The following CSNK1E variants were observed in gnomAD, a reference collection of about 807,000 sequenced individuals.
CSNK1E encodes the protein casein kinase I isoform epsilon.
In CSNK1E, 17 loss-of-function variants were observed where a neutral mutation model predicts 46.1. The observed-to-expected ratio is 0.37, with a 90% CI of 0.25 to 0.55. The LOEUF is 0.55. CSNK1E is among the 20% of genes least tolerant of loss of function. The pLI, the probability that CSNK1E is intolerant of heterozygous loss-of-function variation, is 0.82. For missense variants in CSNK1E, 386 were observed against 595.4 expected (o/e 0.65, Z 3.66); for synonymous variants, 241 against 242.6 (o/e 0.99, Z 0.06).
intron 4 of CSNK1E, 55 bp downstream of exon 4, chr22:38,302,806 C>T: frequency 6.2e-7 from 1 of 1,603,204 alleles, no homozygotes; most frequent in Non-Finnish European, 8.5e-7. Flanking sequence ...GGAGGCAGGG[C>T]TGGTATCCTG....
At position 38,303,871 on chromosome 22, in the gene CSNK1E, A is replaced by G. The variant is rs2092686551; in HGVS notation, c.77-623T>C. On this transcript the variant is annotated intron_variant, in intron 2 of 10. Transcript: ENST00000396832. This position sits in a 1 kb window ranked among gnomAD's most constrained non-coding sequence, Gnocchi z 4.7. ...ACCTGACCTGTAAATGGCGGCCTTG[A>G]GATCAACCCCGGCTCTGCTGGCCTC... Among the ~76,000 whole-genome samples, 2 of 152,164 alleles carry G rather than the reference A, an allele frequency of 1.3e-5. No homozygotes were observed. Among genetic ancestry groups the G allele is most frequent in the African/African-American group, 4.8e-5 (2 of 41,438 alleles).
At chr22:38,292,018 G>C (rs534405154) in intron 10 of CSNK1E, 80 bp from the exon 11 acceptor site, 1 of 145,142 alleles carries the variant, frequency 6.9e-6, no homozygotes, top group Non-Finnish European at 1.5e-5. Flanking sequence ...ATGGAGTCTC[G>C]CTCTGTCCCC....
intron 7 of CSNK1E, chr22:38,296,806 CG>C: frequency 7.6e-7 from 1 of 1,312,244 alleles, no homozygotes; most frequent in Non-Finnish European, 1.0e-6. Context: ...TCTGCCTTGC[CG>C]GATGTGGTGG....
chr22:38,300,659 C>A lies in CSNK1E; in HGVS notation c.565+65G>T. On this transcript the variant is annotated intron_variant, in intron 5 of 10. Transcript: ENST00000396832. This position sits in a 1 kb window ranked among gnomAD's most constrained non-coding sequence, Gnocchi z 4.4. ...TCCATCAGGGTAGGGGGTGAGAGGG[C>A]TCCAGAGAGCTGGGCCCCAGCCAGT... 2.7e-6 allele frequency: 4 copies of A among 1,501,454 alleles called. No homozygotes were observed. In the South Asian group the frequency reaches 4.7e-5, roughly 18 times the overall value. 93.0% of individuals were successfully genotyped at this position (1,501,454 alleles called of 1,614,324 possible).
rs999872852 is a variant in CSNK1E, at chr22:38,298,445, A to G, written c.885+341T>C. On this transcript the variant is annotated intron_variant, in intron 7 of 10. Transcript: ENST00000396832. This position sits in a 1 kb window ranked among gnomAD's most constrained non-coding sequence, Gnocchi z 4.2. The stretch of plus-strand genomic sequence containing the variant: ...AGCCACCTGGGATGTGCAGAACAGG[A>G]GCAGCAGGACGGTGTAGGCAGCAAT... The G allele has an allele frequency of 2.7e-6, 1 of 375,068 alleles. No individual in the cohort carries two copies. Among genetic ancestry groups the G allele is most frequent in the Non-Finnish European group, 5.1e-6 (1 of 194,392 alleles). The allele number at this position is 375,068 out of a possible 1,614,324, so 23.2% of individuals were successfully genotyped here. A position where few individuals can be genotyped will look rare whatever the true frequency, so the allele number is the denominator to read the frequency against.
At chr22:38,311,061 G>A (rs1006047341) in intron 2 of CSNK1E, among the ~76,000 whole-genome samples, 1 of 152,098 alleles carries the variant, frequency 6.6e-6, no homozygotes, top group Non-Finnish European at 1.5e-5. Context: ...AGTCTGACTC[G>A]CCTCCCCAGA....
Position 38,298,533 on chromosome 22 carries a change from C to A in CSNK1E, c.885+253G>T, listed in dbSNP as rs984183385. On this transcript the variant is annotated intron_variant, in intron 7 of 10. Transcript: ENST00000396832. This position sits in a 1 kb window ranked among gnomAD's most constrained non-coding sequence, Gnocchi z 4.2. ...CTGCTGCGGGCACCCAGGAGGGACC[C>A]CAGGTGAAGCCAGATCCTCCTTGTT... The A allele has an allele frequency of 2.0e-6, 1 of 494,008 alleles. No individual in the cohort carries two copies. The highest frequency in any genetic ancestry group is 3.3e-5 in the Admixed American group (1 of 30,190). The allele number at this position is 494,008 out of a possible 1,614,324, so 30.6% of individuals were successfully genotyped here.
At chr22:38,297,317 T>G (rs2092646228) in intron 7 of CSNK1E, among the ~76,000 whole-genome samples, 2 of 152,144 alleles carry the variant, frequency 1.3e-5, no homozygotes, top group African/African-American at 4.8e-5. Flanking sequence ...TGGGCCCCAT[T>G]TGGAGCCAGA....
Position 38,301,732 on chromosome 22 carries a change from CGA to C in CSNK1E, c.337-782_337-781del, listed in dbSNP as rs571264386. 1.2e-4 allele frequency among the ~76,000 whole-genome samples: 19 copies of C among 152,232 alleles called. No homozygotes were observed. In the South Asian group the frequency reaches 3.9e-3, roughly 32 times the overall value. ...TACAGACTTGAGCCACCTTTTCAGT[CGA>C]GTTTTTAAAACTCAAACTAATATCC... On this transcript the variant is annotated intron_variant, in intron 4 of 10. Coordinates refer to ENST00000396832, the MANE Select transcript of CSNK1E (RefSeq NM_152221.3).
chr22:38,312,636 T>G (rs1602563253), intron 2 of CSNK1E, among the ~76,000 whole-genome samples: 1 of 152,188 alleles, frequency 6.6e-6, no homozygotes, highest in South Asian at 2.1e-4. Flanking sequence ...GGGAGGCTCA[T>G]CTACTAAGCA....
intron 2 of CSNK1E, among the ~76,000 whole-genome samples, chr22:38,311,565 C>G (rs2092721135): frequency 6.6e-6 from 1 of 152,200 alleles, no homozygotes; most frequent in Non-Finnish European, 1.5e-5. Flanking sequence ...TGTCTCCATG[C>G]CCTTTGACCT....
intron 7 of CSNK1E, chr22:38,296,562 CAG>C (rs761077741): frequency 6.2e-7 from 1 of 1,612,332 alleles, no homozygotes; most frequent in Non-Finnish European, 8.5e-7. Flanking sequence ...GGCATTGAGT[CAG>C]AGATTGGCAA....
intron 4 of CSNK1E, among the ~76,000 whole-genome samples, chr22:38,301,617 A>G (rs936071118): frequency 5.9e-5 from 9 of 152,140 alleles, no homozygotes; most frequent in African/African-American, 2.2e-4. Context: ...TATTTTTAGC[A>G]GAGATGGCGT....
chr22:38,300,011 T>C lies in CSNK1E; in HGVS notation c.620A>G (p.Asn207Ser), dbSNP rs1191826711. The change falls in exon 6 of 11, where the codon AAC (asparagine) becomes AGC (serine). Residue 207 changes from asparagine to serine, a missense_variant. Physicochemically the swap from Asn to Ser is conservative, Grantham distance 46. Coordinates refer to ENST00000396832, the MANE Select transcript of CSNK1E (RefSeq NM_152221.3). The surrounding 1 kb of genome is among the most constrained non-coding windows in gnomAD (Gnocchi z 4.4). The part of the protein sequence containing the change: ...ESLGYVLMYF[N>S]LGSLPWQGLK... ...CCCCTGCCAGGGCAGGGAGCCCAGG[T>C]TGAAGTACATGAGCACGTAGCCCAG... 8 of 1,614,030 alleles carry C rather than the reference T, an allele frequency of 5.0e-6. No homozygotes were observed. Among genetic ancestry groups the C allele is most frequent in the East Asian group, 2.2e-5 (1 of 44,900 alleles).
At position 38,308,765 on chromosome 22, in the gene CSNK1E, C is replaced by T. The variant is rs1317897130; in HGVS notation, c.76+5317G>A. Reference sequence around the variant, plus strand: ...GGAGAGCCTCCGGGAGGGCAGGCTGCAAGGGCTCCTGGCTCCCAAACAGGA... The same window carrying T: ...GGAGAGCCTCCGGGAGGGCAGGCTGTAAGGGCTCCTGGCTCCCAAACAGGA... On this transcript the variant is annotated intron_variant, in intron 2 of 10. Transcript: ENST00000396832. Among the ~76,000 whole-genome samples, 5 of 152,050 alleles carry T rather than the reference C, an allele frequency of 3.3e-5. No homozygotes were observed. In the East Asian group the frequency reaches 9.7e-4, roughly 29 times the overall value.
At position 38,305,073 on chromosome 22, in the gene CSNK1E, G is replaced by A. The variant is rs183275547; in HGVS notation, c.77-1825C>T. Among the ~76,000 whole-genome samples the A allele has an allele frequency of 4.1e-3, 523 of 126,110 alleles. 3 individuals carry two copies. The highest frequency in any genetic ancestry group is 0.015 in the African/African-American group (489 of 33,490). The allele number at this position is 126,110 out of a possible 152,430, so 82.7% of individuals were successfully genotyped here. Reference sequence around the variant, plus strand: ...GGAGGCGGAGGTTGCAGTGAGCCGAGATTGTGCCATTGCACGCTAGCCTGG... The same window carrying A: ...GGAGGCGGAGGTTGCAGTGAGCCGAAATTGTGCCATTGCACGCTAGCCTGG... On this transcript the variant is annotated intron_variant, in intron 2 of 10. Coordinates refer to ENST00000396832, the MANE Select transcript of CSNK1E (RefSeq NM_152221.3).
At chr22:38,292,976 A>C in intron 10 of CSNK1E, 1 of 468,790 alleles carries the variant, frequency 2.1e-6, no homozygotes, top group East Asian at 4.4e-5. Flanking sequence ...AAATATGTTA[A>C]GGCAGAAGGA....
chr22:38,303,564 G>A lies in CSNK1E; in HGVS notation c.77-316C>T, dbSNP rs1569079492. 6.6e-6 allele frequency among the ~76,000 whole-genome samples: 1 copy of A among 152,220 alleles called. No homozygotes were observed. The highest frequency in any genetic ancestry group is 1.5e-5 in the Non-Finnish European group (1 of 68,044). Reference sequence around the variant, plus strand: ...AAAGGCTCACAGACCACCTAAGGGAGGGGGCTGAGTCCTAGAGCAAATTCA... The same window carrying A: ...AAAGGCTCACAGACCACCTAAGGGAAGGGGCTGAGTCCTAGAGCAAATTCA... On this transcript the variant is annotated intron_variant, in intron 2 of 10. Coordinates refer to ENST00000396832, the MANE Select transcript of CSNK1E (RefSeq NM_152221.3). This position sits in a 1 kb window ranked among gnomAD's most constrained non-coding sequence, Gnocchi z 4.7.
At chr22:38,302,202 A>T (rs1441097534) in intron 4 of CSNK1E, among the ~76,000 whole-genome samples, 1 of 151,922 alleles carries the variant, frequency 6.6e-6, no homozygotes, top group Non-Finnish European at 1.5e-5. Context: ...CAGGCTTTAC[A>T]TTACCCAGGG....
Sources: gnomAD v4.1 joint callset for allele counts (sites outside exome capture counted in the v4.1 genomes callset) on GRCh38, gnomAD v4.1.1 for gene constraint, Gnocchi (gnomAD v3.1) non-coding constraint, MANE v1.5 for transcripts, NCBI Gene and HGNC (gene_info 2026-07-23, HGNC 2026-07-21) for gene names.